The following SPOCK3 variants were observed in gnomAD, a reference collection of about 807,000 sequenced individuals.
The protein encoded by SPOCK3 is SPARC (osteonectin), cwcv and kazal like domains proteoglycan 3, also known as testican-3.
A neutral mutation model predicts 56.6 loss-of-function variants in SPOCK3; 30 were observed. The ratio of observed to expected loss-of-function variants is 0.53; its 90% CI spans 0.40 to 0.72. The LOEUF is 0.72. Ranked by LOEUF, SPOCK3 falls within the 30% of genes least tolerant of loss-of-function variation. The probability of loss-of-function intolerance (pLI) is 0.00; values close to 1 mark genes in which losing one functional copy is unlikely to be tolerated. For synonymous variants in SPOCK3, 196 were observed against 183.3 expected (o/e 1.07, Z -0.56); for missense variants, 527 against 530.0 (o/e 0.99, Z 0.06).
intron 2 of SPOCK3, among the ~76,000 whole-genome samples, chr4:167,225,878 G>T (rs545927662): frequency 6.6e-6 from 1 of 152,266 alleles, no homozygotes; most frequent in East Asian, 1.9e-4. Flanking sequence ...GAACCAAAAA[G>T]ATTGTTTTCT....
chr4:166,959,541 G>A (rs1378007104), intron 4 of SPOCK3, among the ~76,000 whole-genome samples: 1 of 151,878 alleles, frequency 6.6e-6, no homozygotes, highest in African/African-American at 2.4e-5. Context: ...GAACCCAGGA[G>A]GTGGAGGTTG....
intron 4 of SPOCK3, among the ~76,000 whole-genome samples, chr4:166,962,503 G>A (rs958496113): frequency 1.3e-5 from 2 of 152,074 alleles, no homozygotes; most frequent in Non-Finnish European, 2.9e-5. Flanking sequence ...CAGCATTAGA[G>A]AACCTTCTAT....
chr4:167,216,009 TTAGAG>T (rs1178096415), intron 2 of SPOCK3, among the ~76,000 whole-genome samples: 2 of 152,118 alleles, frequency 1.3e-5, no homozygotes, highest in African/African-American at 4.8e-5. Flanking sequence ...TTGTAGAGCA[TTAGAG>T]TAATGTTAGA....
At chr4:167,117,532 T>C (rs1580350688) in intron 2 of SPOCK3, among the ~76,000 whole-genome samples, 1 of 152,050 alleles carries the variant, frequency 6.6e-6, no homozygotes, top group Admixed American at 6.6e-5. Context: ...ACACAGACCT[T>C]CATGAAGAGT....
At chr4:166,765,669 G>C (rs190144388) in intron 7 of SPOCK3, among the ~76,000 whole-genome samples, 2 of 152,156 alleles carry the variant, frequency 1.3e-5, no homozygotes, top group Non-Finnish European at 2.9e-5. Context: ...TGGCAATGTG[G>C]GCTCTTTTTT....
At chr4:167,020,252 A>G (rs1751043467) in intron 3 of SPOCK3, among the ~76,000 whole-genome samples, 1 of 152,122 alleles carries the variant, frequency 6.6e-6, no homozygotes. Flanking sequence ...GTAATAAAAC[A>G]TTTTGTAAAA....
chr4:166,991,088 T>C (rs1012202099), intron 4 of SPOCK3, among the ~76,000 whole-genome samples: 1 of 152,056 alleles, frequency 6.6e-6, no homozygotes, highest in Non-Finnish European at 1.5e-5. Flanking sequence ...AGCCTCTTTT[T>C]TTAAGTCTCC....
intron 2 of SPOCK3, among the ~76,000 whole-genome samples, chr4:167,112,901 T>C (rs1761024464): frequency 6.6e-6 from 1 of 152,086 alleles, no homozygotes; most frequent in Admixed American, 6.6e-5. Context: ...AAGAACTACA[T>C]GAAAGTAGGC....
chr4:166,870,068 T>G (rs1318566952), intron 6 of SPOCK3, among the ~76,000 whole-genome samples: 7 of 151,950 alleles, frequency 4.6e-5, no homozygotes, highest in Non-Finnish European at 1.5e-5. Context: ...GGAAAGGAAG[T>G]GTGGCTATCA....
chr4:167,140,334 A>C (rs1343015078), intron 2 of SPOCK3, among the ~76,000 whole-genome samples: 1 of 152,096 alleles, frequency 6.6e-6, no homozygotes, highest in Non-Finnish European at 1.5e-5. Context: ...TTACTGGAAA[A>C]TGTTATACAT....
intron 6 of SPOCK3, among the ~76,000 whole-genome samples, chr4:166,857,441 C>G (rs568117671): frequency 2.0e-5 from 3 of 152,188 alleles, no homozygotes; most frequent in Non-Finnish European, 4.4e-5. Flanking sequence ...GCTGGAAAGT[C>G]TTGTTGCTCC....
At chr4:167,015,582 T>C (rs962346821) in intron 3 of SPOCK3, among the ~76,000 whole-genome samples, 2 of 152,134 alleles carry the variant, frequency 1.3e-5, no homozygotes, top group Non-Finnish European at 2.9e-5. Flanking sequence ...ACCTGGCAGG[T>C]AAATGAGCCT....
chr4:166,813,490 A>C lies in SPOCK3; in HGVS notation c.590-21201T>G, dbSNP rs570424282. On this transcript the variant is annotated intron_variant, in intron 6 of 10. Coordinates refer to ENST00000357545, the MANE Select transcript of SPOCK3 (RefSeq NM_001040159.2). Reference sequence around the variant, plus strand: ...TTTATTATCAAATATTTATTTGCTCAAATAATAATTCATTTCAGTGAGGAA... The same window carrying C: ...TTTATTATCAAATATTTATTTGCTCCAATAATAATTCATTTCAGTGAGGAA... Among the ~76,000 whole-genome samples the C allele has an allele frequency of 3.5e-4, 54 of 152,214 alleles. No homozygotes were observed. The South Asian group carries it at 0.011, about 31-fold the overall frequency.
chr4:166,906,077 T>G (rs765524564), intron 5 of SPOCK3, among the ~76,000 whole-genome samples: 25 of 152,052 alleles, frequency 1.6e-4, no homozygotes, highest in Non-Finnish European at 2.9e-4. Context: ...CTGAAATTCT[T>G]ATGGAAATGC....
chr4:167,231,029 C>G (rs1737120883), intron 2 of SPOCK3, among the ~76,000 whole-genome samples: 2 of 152,070 alleles, frequency 1.3e-5, no homozygotes, highest in Admixed American at 1.3e-4. Flanking sequence ...GAAAATGAGC[C>G]TCAACGGCAG....
intron 7 of SPOCK3, among the ~76,000 whole-genome samples, chr4:166,777,817 G>T (rs558952663): frequency 6.6e-6 from 1 of 152,146 alleles, no homozygotes; most frequent in African/African-American, 2.4e-5. Context: ...ACCATTTACT[G>T]TGTGACTTTG....
chr4:166,954,460 C>G (rs377385089), intron 4 of SPOCK3, among the ~76,000 whole-genome samples: 181 of 151,888 alleles, frequency 1.2e-3, no homozygotes, highest in African/African-American at 4.4e-3. Context: ...AGTCTTTATC[C>G]CATTTAAGTT....
chr4:167,000,311 G>A (rs747520442), intron 4 of SPOCK3, 38 bp downstream of exon 4: 25 of 994,056 alleles, frequency 2.5e-5, no homozygotes, highest in Non-Finnish European at 2.2e-5. Context: ...GGTAAGGAGC[G>A]CTGTTCAATC....
chr4:167,101,898 T>C (rs1375240390), intron 2 of SPOCK3, among the ~76,000 whole-genome samples: 1 of 151,892 alleles, frequency 6.6e-6, no homozygotes, highest in Non-Finnish European at 1.5e-5. Flanking sequence ...GAGTTTTTTT[T>C]TTTTAGTAGA....
Sources: gnomAD v4.1 joint callset for allele counts (sites outside exome capture counted in the v4.1 genomes callset) on GRCh38, gnomAD v4.1.1 for gene constraint, MANE v1.5 for transcripts, NCBI Gene and HGNC (gene_info 2026-07-23, HGNC 2026-07-21) for gene names.